The following MAGI1 variants were observed in gnomAD, a reference collection of about 807,000 sequenced individuals.
The protein encoded by MAGI1 is membrane-associated guanylate kinase, WW and PDZ domain-containing protein 1.
MAGI1 carries 58 observed loss-of-function variants against 139.9 expected under a neutral mutation model. That is an observed-to-expected ratio of 0.41 (90% CI 0.34 to 0.52). The LOEUF is 0.52. MAGI1 is among the 20% of genes least tolerant of loss of function. MAGI1 has a pLI of 0.12. For missense variants in MAGI1, 1,874 were observed against 1,901.6 expected (o/e 0.99, Z 0.27); for synonymous variants, 812 against 737.9 (o/e 1.10, Z -1.63).
At chr3:65,459,917 C>A (rs542451294) in intron 5 of MAGI1, among the ~76,000 whole-genome samples, 42 of 152,076 alleles carry the variant, frequency 2.8e-4, no homozygotes, top group African/African-American at 1.0e-3. Flanking sequence ...AGGAGTGAGA[C>A]CCTGTCTCAA....
intron 2 of MAGI1, among the ~76,000 whole-genome samples, chr3:65,516,532 A>AAT (rs1482329205): frequency 6.6e-6 from 1 of 151,912 alleles, no homozygotes; most frequent in Non-Finnish European, 1.5e-5. Flanking sequence ...GCACTTAACT[A>AAT]ATAATAGAGG....
chr3:65,388,039 G>A (rs1026957680), intron 14 of MAGI1, among the ~76,000 whole-genome samples: 13 of 152,154 alleles, frequency 8.5e-5, no homozygotes, highest in South Asian at 2.1e-4. Context: ...CATCGCTGTC[G>A]TTTTTAAGAT....
intron 1 of MAGI1, among the ~76,000 whole-genome samples, chr3:65,796,260 C>A (rs77321421): frequency 2.0e-5 from 3 of 152,176 alleles, no homozygotes; most frequent in East Asian, 3.9e-4. Flanking sequence ...AGTCTATTTT[C>A]TTTTAAGGCT....
At chr3:66,019,068 A>G (rs1472011610) in intron 1 of MAGI1, among the ~76,000 whole-genome samples, 2 of 152,240 alleles carry the variant, frequency 1.3e-5, no homozygotes, top group Non-Finnish European at 2.9e-5. Context: ...CTGCCTGGCC[A>G]TAAGGAGAGT....
intron 2 of MAGI1, among the ~76,000 whole-genome samples, chr3:65,574,053 T>G (rs1238016785): frequency 1.3e-5 from 2 of 151,922 alleles, no homozygotes; most frequent in Non-Finnish European, 2.9e-5. Flanking sequence ...TCTGATAAAA[T>G]CTACAATAAA....
intron 7 of MAGI1, among the ~76,000 whole-genome samples, chr3:65,444,577 A>C (rs1322854519): frequency 6.6e-6 from 1 of 152,130 alleles, no homozygotes; most frequent in East Asian, 1.9e-4. Context: ...AATTTGACAA[A>C]CATTTGTTGA....
intron 1 of MAGI1, among the ~76,000 whole-genome samples, chr3:65,756,136 C>T (rs995086573): frequency 5.3e-5 from 8 of 152,104 alleles, no homozygotes; most frequent in Non-Finnish European, 8.8e-5. Context: ...CAACTTAGTT[C>T]GCTCTGTAAT....
intron 1 of MAGI1, among the ~76,000 whole-genome samples, chr3:65,704,692 T>C (rs1499506): frequency 0.18 from 27,415 of 151,996 alleles, 2,871 homozygotes; most frequent in African/African-American, 0.3. Context: ...TTTTAATCAG[T>C]TTCTGAAAAT....
chr3:65,808,185 T>C (rs1331657423), intron 1 of MAGI1, among the ~76,000 whole-genome samples: 1 of 152,016 alleles, frequency 6.6e-6, no homozygotes, highest in East Asian at 1.9e-4. Context: ...CGGTTTCTCC[T>C]TGTTGGTCAG....
chr3:65,387,339 G>C, intron 14 of MAGI1: 1 of 707,574 alleles, frequency 1.4e-6, no homozygotes, highest in South Asian at 1.8e-5. Context: ...CACAATAAAG[G>C]TCATGGCTGT....
At chr3:65,547,684 G>T (rs1404318706) in intron 2 of MAGI1, among the ~76,000 whole-genome samples, 1 of 152,074 alleles carries the variant, frequency 6.6e-6, no homozygotes, top group Non-Finnish European at 1.5e-5. Flanking sequence ...TCCCACTTCT[G>T]TTTATCTGTT....
At chr3:65,713,837 A>G (rs1434120598) in intron 1 of MAGI1, among the ~76,000 whole-genome samples, 1 of 152,226 alleles carries the variant, frequency 6.6e-6, no homozygotes, top group Non-Finnish European at 1.5e-5. Flanking sequence ...ACCACCAGGC[A>G]CTAATTTAGC....
intron 2 of MAGI1, among the ~76,000 whole-genome samples, chr3:65,501,705 T>A (rs1177502745): frequency 6.6e-6 from 1 of 152,098 alleles, no homozygotes; most frequent in Non-Finnish European, 1.5e-5. Flanking sequence ...CACTCCTAAA[T>A]GTTTACCCCA....
At chr3:65,815,085 C>G (rs1193584901) in intron 1 of MAGI1, among the ~76,000 whole-genome samples, 6 of 152,126 alleles carry the variant, frequency 3.9e-5, no homozygotes. Context: ...CATGAGAGCC[C>G]CTTCTCTAGA....
rs577384284 is a variant in MAGI1, at chr3:65,596,041, C to T, written c.430+25931G>A. 7.9e-5 allele frequency among the ~76,000 whole-genome samples: 12 copies of T among 152,264 alleles called. No individual in the cohort carries two copies. The South Asian group carries it at 2.1e-3, about 26-fold the overall frequency. ...AAATTCATTGGCAAGTGATGAGCTG[C>T]GCCTTGTCGACGAGTTTCAGTGCAA... On this transcript the variant is annotated intron_variant, in intron 2 of 22. Transcript: ENST00000402939.
intron 1 of MAGI1, among the ~76,000 whole-genome samples, chr3:65,892,243 T>C (rs890453339): frequency 5.3e-5 from 8 of 152,204 alleles, no homozygotes; most frequent in African/African-American, 1.9e-4. Flanking sequence ...TCTTTAATTA[T>C]GTTACAGAAA....
chr3:65,414,209 T>A (rs1946015987), intron 12 of MAGI1, among the ~76,000 whole-genome samples: 1 of 152,356 alleles, frequency 6.6e-6, no homozygotes, highest in East Asian at 1.9e-4. Context: ...GCTTTTTACA[T>A]ACAAGAAACC....
intron 1 of MAGI1, among the ~76,000 whole-genome samples, chr3:65,937,890 G>T (rs2063140378): frequency 6.6e-6 from 1 of 151,914 alleles, no homozygotes; most frequent in Admixed American, 6.6e-5. Context: ...CATTCCGTTT[G>T]TTGGAAAATA....
intron 1 of MAGI1, among the ~76,000 whole-genome samples, chr3:66,021,085 CCTCA>C (rs569542961): frequency 2.0e-4 from 31 of 152,280 alleles, no homozygotes; most frequent in African/African-American, 7.5e-4. Context: ...CTGTAACTGT[CCTCA>C]CTATTTGTGG....
Sources: gnomAD v4.1 joint callset for allele counts (sites outside exome capture counted in the v4.1 genomes callset) on GRCh38, gnomAD v4.1.1 for gene constraint, MANE v1.5 for transcripts, NCBI Gene and HGNC (gene_info 2026-07-23, HGNC 2026-07-21) for gene names.